The following OPCML variants were observed in gnomAD, a reference collection of about 807,000 sequenced individuals.
OPCML encodes opioid binding protein/cell adhesion molecule like.
In OPCML, 13 loss-of-function variants were observed where a neutral mutation model predicts 37.8. The observed-to-expected ratio is 0.34, with a 90% CI of 0.22 to 0.55. The LOEUF is 0.55. Among genes scored for constraint, OPCML ranks in the 20% least tolerant of loss-of-function variants. The probability of loss-of-function intolerance (pLI) is 0.91; values close to 1 mark genes in which losing one functional copy is unlikely to be tolerated. For synonymous variants in OPCML, 176 were observed against 168.8 expected, an observed-to-expected ratio of 1.04 and a Z score of -0.33; for missense variants, 341 against 435.6, an observed-to-expected ratio of 0.78 and a Z score of 1.93.
chr11:132,466,317 C>CAA (rs35491939), intron 4 of OPCML, among the ~76,000 whole-genome samples: 3,494 of 105,222 alleles, frequency 0.033, 102 homozygotes, highest in African/African-American at 0.089. Flanking sequence ...ACTAAAAATA[C>CAA]AAAAAAAAAA....
intron 4 of OPCML, among the ~76,000 whole-genome samples, chr11:132,497,730 G>C (rs879295840): frequency 6.6e-6 from 1 of 152,122 alleles, no homozygotes; most frequent in Non-Finnish European, 1.5e-5. Context: ...TAGAACAAGA[G>C]GTCAGGAAGG....
At chr11:133,112,368 GA>G (rs1208483247) in intron 1 of OPCML, among the ~76,000 whole-genome samples, 1 of 127,794 alleles carries the variant, frequency 7.8e-6, no homozygotes, top group Non-Finnish European at 1.7e-5. Flanking sequence ...TGTAAAAGCA[GA>G]AAAATAAACG....
rs1273072517 is a variant in OPCML at position 132,911,861 on chromosome 11, T to G, written c.146+31065A>C. On this transcript the variant is annotated intron_variant, in intron 2 of 7. Transcript: ENST00000524381. ...TTGTCAGGCAGGTAATTCCAAGAGT[T>G]GGAGCACTCTTTGCTGTCACCCAGG... Among the ~76,000 whole-genome samples, 3 of 152,310 alleles carry G rather than the reference T, an allele frequency of 2.0e-5. No individual in the cohort carries two copies. In the East Asian group the frequency reaches 5.8e-4, roughly 29 times the overall value.
At chr11:132,705,284 T>C (rs1943986970) in intron 2 of OPCML, among the ~76,000 whole-genome samples, 1 of 151,980 alleles carries the variant, frequency 6.6e-6, no homozygotes, top group African/African-American at 2.4e-5. Flanking sequence ...TCTCGGGAGT[T>C]CTGGTCGTTT....
intron 1 of OPCML, among the ~76,000 whole-genome samples, chr11:133,213,796 A>G (rs1419691470): frequency 6.6e-6 from 1 of 152,152 alleles, no homozygotes; most frequent in Non-Finnish European, 1.5e-5. Flanking sequence ...TCTTACTATC[A>G]TGTTTATTGA....
intron 1 of OPCML, among the ~76,000 whole-genome samples, chr11:132,990,809 A>G (rs1946761033): frequency 6.6e-6 from 1 of 152,236 alleles, no homozygotes; most frequent in African/African-American, 2.4e-5. Flanking sequence ...GTATCTATAA[A>G]ATAGAGTTCA....
chr11:133,301,036 G>T (rs891714130), intron 1 of OPCML: 5 of 152,138 alleles, frequency 3.3e-5, no homozygotes, highest in Non-Finnish European at 7.4e-5. Flanking sequence ...AAACCACCAG[G>T]TTTATGGTAA....
intron 2 of OPCML, among the ~76,000 whole-genome samples, chr11:132,666,741 T>C (rs1942243969): frequency 6.6e-6 from 1 of 152,148 alleles, no homozygotes; most frequent in African/African-American, 2.4e-5. Flanking sequence ...GGGATTGAGG[T>C]TGACTCAGGT....
intron 1 of OPCML, chr11:133,420,371 T>G: frequency 2.0e-6 from 2 of 985,442 alleles, no homozygotes; most frequent in Non-Finnish European, 1.2e-6. Flanking sequence ...TTTAGGTCTC[T>G]AGGACAGTAG....
At chr11:133,461,600 T>C (rs796856728) in intron 1 of OPCML, among the ~76,000 whole-genome samples, 22 of 151,798 alleles carry the variant, frequency 1.4e-4, no homozygotes, top group African/African-American at 5.1e-4. Context: ...GCAAAAAACT[T>C]ATACAGTGAA....
intron 2 of OPCML, among the ~76,000 whole-genome samples, chr11:132,800,171 A>T (rs1938561490): frequency 6.6e-6 from 1 of 152,158 alleles, no homozygotes; most frequent in South Asian, 2.1e-4. Context: ...AGTATTTTGT[A>T]TGTAATTGTA....
chr11:133,189,885 T>C (rs1938233406), intron 1 of OPCML, among the ~76,000 whole-genome samples: 1 of 152,234 alleles, frequency 6.6e-6, no homozygotes, highest in Non-Finnish European at 1.5e-5. Flanking sequence ...CTAGGGCAAT[T>C]GAACACTCTT....
intron 1 of OPCML, among the ~76,000 whole-genome samples, chr11:133,097,372 TGC>T (rs1949018408): frequency 1.3e-5 from 2 of 152,152 alleles, no homozygotes; most frequent in African/African-American, 4.8e-5. Flanking sequence ...ACTTATCACA[TGC>T]GTGTGATGCA....
chr11:132,904,092 G>A (rs899981691), intron 2 of OPCML, among the ~76,000 whole-genome samples: 2 of 152,130 alleles, frequency 1.3e-5, no homozygotes, highest in African/African-American at 4.8e-5. Flanking sequence ...ACAAAGATTG[G>A]TCCTAAAGTG....
chr11:132,895,019 G>T (rs536383670), intron 2 of OPCML, among the ~76,000 whole-genome samples: 2 of 152,154 alleles, frequency 1.3e-5, no homozygotes, highest in African/African-American at 2.4e-5. Context: ...GAAGAACACT[G>T]ACTAGTGCAG....
chr11:132,475,084 C>T (rs1335974861), intron 4 of OPCML, among the ~76,000 whole-genome samples: 2 of 152,134 alleles, frequency 1.3e-5, no homozygotes, highest in African/African-American at 2.4e-5. Context: ...GCCCTGAGGT[C>T]CCTGCCTGAG....
intron 1 of OPCML, chr11:133,421,763 C>A (rs2136895434): frequency 1.0e-6 from 1 of 985,386 alleles, no homozygotes; most frequent in African/African-American, 1.7e-5. Flanking sequence ...CACCAACAGT[C>A]CTTAATGCTC....
At chr11:133,308,558 T>C (rs915803114) in intron 1 of OPCML, among the ~76,000 whole-genome samples, 4 of 152,080 alleles carry the variant, frequency 2.6e-5, no homozygotes, top group Non-Finnish European at 5.9e-5. Flanking sequence ...GAACAATAGA[T>C]AGATACAGCT....
intron 2 of OPCML, among the ~76,000 whole-genome samples, chr11:132,665,625 C>T (rs879297700): frequency 2.0e-5 from 3 of 152,076 alleles, no homozygotes; most frequent in Middle Eastern, 3.4e-3. Context: ...CGTAGGGTAG[C>T]GAAACACAAT....
Sources: gnomAD v4.1 joint callset for allele counts (sites outside exome capture counted in the v4.1 genomes callset) on GRCh38, gnomAD v4.1.1 for gene constraint, MANE v1.5 for transcripts, NCBI Gene and HGNC (gene_info 2026-07-23, HGNC 2026-07-21) for gene names.